Variants in GRID2 observed in about 807,000 individuals in gnomAD.
GRID2 encodes the protein glutamate ionotropic receptor delta type subunit 2.
A neutral mutation model predicts 114.8 loss-of-function variants in GRID2; 33 were observed. The observed-to-expected ratio is 0.29, with a 90% CI of 0.22 to 0.38. The LOEUF (loss-of-function observed/expected upper bound fraction) is 0.38. GRID2 is among the 10% of genes least tolerant of loss of function. GRID2 has a pLI of 1.00. For missense variants in GRID2, 1,184 were observed against 1,257.7 expected (o/e 0.94, Z 0.89); for synonymous variants, 505 against 449.9 (o/e 1.12, Z -1.55).
At chr4:92,823,027 G>A (rs1741402014) in intron 2 of GRID2, 1 of 152,086 alleles carries the variant, frequency 6.6e-6, no homozygotes, top group Admixed American at 6.6e-5. Flanking sequence ...AAAAAAGTAA[G>A]CCAAGCAGGG....
intron 2 of GRID2, among the ~76,000 whole-genome samples, chr4:92,864,266 C>T (rs1350430292): frequency 6.6e-6 from 1 of 152,210 alleles, no homozygotes; most frequent in Non-Finnish European, 1.5e-5. Flanking sequence ...TTCTTAGTCA[C>T]TTCCCATGGG....
chr4:93,427,860 C>T (rs2149375606), intron 10 of GRID2, among the ~76,000 whole-genome samples: 1 of 151,858 alleles, frequency 6.6e-6, no homozygotes, highest in East Asian at 1.9e-4. Flanking sequence ...CAAATCTGGC[C>T]AAAAGATATG....
intron 1 of GRID2, among the ~76,000 whole-genome samples, chr4:92,487,759 T>C (rs1230327274): frequency 2.6e-5 from 4 of 151,966 alleles, no homozygotes; most frequent in Non-Finnish European, 4.4e-5. Flanking sequence ...GGTTTTTTGT[T>C]TGTTTGTTTG....
At chr4:92,979,028 T>G (rs566427340) in intron 2 of GRID2, among the ~76,000 whole-genome samples, 1 of 151,946 alleles carries the variant, frequency 6.6e-6, no homozygotes, top group Non-Finnish European at 1.5e-5. Flanking sequence ...CTCTAAAAAA[T>G]AAAAATAAAA....
At chr4:93,261,043 T>C (rs372298394) in intron 8 of GRID2, among the ~76,000 whole-genome samples, 2 of 151,768 alleles carry the variant, frequency 1.3e-5, no homozygotes, top group Non-Finnish European at 3.0e-5. Context: ...TCATCATAGT[T>C]CCCTGGGACT....
chr4:93,103,648 A>T (rs78682347), intron 3 of GRID2, among the ~76,000 whole-genome samples: 1 of 151,886 alleles, frequency 6.6e-6, no homozygotes, highest in Non-Finnish European at 1.5e-5. Context: ...AAGGGAGGCA[A>T]GCAGAGTTGA....
chr4:93,470,208 A>G (rs997001989), intron 11 of GRID2, among the ~76,000 whole-genome samples: 3 of 152,158 alleles, frequency 2.0e-5, no homozygotes, highest in Non-Finnish European at 4.4e-5. Context: ...AACAATGTCC[A>G]GGATGGACAC....
rs576799325 is a variant in GRID2 at position 92,892,953 on chromosome 4, A to G, written c.245-192042A>G. ...AGCATTTCATTACAGCAAACATGAA[A>G]TATGAATTCTAAAGAAATAAAATAT... On this transcript the variant is annotated intron_variant, in intron 2 of 15. Coordinates refer to ENST00000282020, the MANE Select transcript of GRID2 (RefSeq NM_001510.4). Among the ~76,000 whole-genome samples the G allele has an allele frequency of 2.9e-3, 442 of 152,366 alleles. 3 individuals are homozygous for G. Among genetic ancestry groups the G allele is most frequent in the Non-Finnish European group, 5.2e-3 (356 of 68,030 alleles).
At chr4:93,062,051 G>A (rs1727856030) in intron 2 of GRID2, among the ~76,000 whole-genome samples, 1 of 152,016 alleles carries the variant, frequency 6.6e-6, no homozygotes, top group Admixed American at 6.6e-5. Flanking sequence ...TGATTAAGGT[G>A]GACATTGACC....
In GRID2 at chr4:93,551,284, A is replaced by C. The variant is rs1483955751; in HGVS notation, c.2193+35873A>C. On this transcript the variant is annotated intron_variant, in intron 13 of 15. Coordinates refer to ENST00000282020, the MANE Select transcript of GRID2 (RefSeq NM_001510.4). ...AGCATAGAAGGAGACAGGAAGTGCT[A>C]AGCTGGAAGGTTTTGGGGATGGAGG... Among the ~76,000 whole-genome samples, 3 of 152,200 alleles carry C rather than the reference A, an allele frequency of 2.0e-5. No individual in the cohort carries two copies. The East Asian group carries it at 5.8e-4, about 29-fold the overall frequency.
At chr4:93,419,312 T>C (rs1768036081) in intron 9 of GRID2, among the ~76,000 whole-genome samples, 1 of 151,966 alleles carries the variant, frequency 6.6e-6, no homozygotes, top group African/African-American at 2.4e-5. Flanking sequence ...CAGTGAATGT[T>C]AAATGGATAA....
intron 7 of GRID2, among the ~76,000 whole-genome samples, chr4:93,231,714 G>A (rs1362516196): frequency 6.6e-6 from 1 of 152,116 alleles, no homozygotes; most frequent in Admixed American, 6.6e-5. Context: ...CAAATATGAA[G>A]GGTTATCTAC....
intron 14 of GRID2, among the ~76,000 whole-genome samples, chr4:93,715,873 A>C (rs1728861420): frequency 6.6e-6 from 1 of 152,128 alleles, no homozygotes; most frequent in African/African-American, 2.4e-5. Flanking sequence ...TGTCATCTTC[A>C]AACAAAGCTA....
intron 9 of GRID2, among the ~76,000 whole-genome samples, chr4:93,412,229 TCC>T (rs572500641): frequency 3.9e-5 from 4 of 101,996 alleles, no homozygotes; most frequent in African/African-American, 1.4e-4. Flanking sequence ...GTAAGACCCA[TCC>T]CCCCCCCCCA....
rs767285387 is a variant in GRID2 at position 92,650,483 on chromosome 4, G to A, written c.244+60197G>A. Among the ~76,000 whole-genome samples, 15 of 151,992 alleles carry A rather than the reference G, an allele frequency of 9.9e-5. 1 individual carries two copies. Among genetic ancestry groups the A allele is most frequent in the Non-Finnish European group, 1.8e-4 (12 of 67,976 alleles). On this transcript the variant is annotated intron_variant, in intron 2 of 15. Transcript: ENST00000282020. ...TTCTGTATTCCAGACATATTCATTC[G>A]TATCTACATTGAGAAATATTAGTCC...
chr4:92,964,853 C>T (rs1753036123), intron 2 of GRID2, among the ~76,000 whole-genome samples: 1 of 151,986 alleles, frequency 6.6e-6, no homozygotes, highest in Admixed American at 6.6e-5. Context: ...ACCACTGAAA[C>T]TTTCTCCATA....
intron 5 of GRID2, among the ~76,000 whole-genome samples, chr4:93,211,240 CT>C (rs1743436886): frequency 4.6e-5 from 7 of 151,938 alleles, no homozygotes; most frequent in Middle Eastern, 3.4e-3. Flanking sequence ...TCAATTTGTA[CT>C]TTGGAAGAAA....
chr4:92,745,849 C>G (rs972476058), intron 2 of GRID2, among the ~76,000 whole-genome samples: 3 of 151,676 alleles, frequency 2.0e-5, no homozygotes, highest in Non-Finnish European at 4.4e-5. Context: ...AAAAGAAAAG[C>G]AAAAATAAGT....
At chr4:93,748,609 A>G (rs930197645) in intron 14 of GRID2, among the ~76,000 whole-genome samples, 1 of 152,162 alleles carries the variant, frequency 6.6e-6, no homozygotes, top group Non-Finnish European at 1.5e-5. Context: ...CGAAACCAAG[A>G]TTTTACTTAA....
Sources: gnomAD v4.1 joint callset for allele counts (sites outside exome capture counted in the v4.1 genomes callset) on GRCh38, gnomAD v4.1.1 for gene constraint, MANE v1.5 for transcripts, NCBI Gene and HGNC (gene_info 2026-07-23, HGNC 2026-07-21) for gene names.